Variants in ZNF678 observed in about 807,000 individuals in gnomAD.
ZNF678 encodes hypothetical protein MGC42493.
A neutral mutation model predicts 3.0 loss-of-function variants in ZNF678; 5 were observed. That is an observed-to-expected ratio of 1.69 (90% CI 0.88 to 3.56). The LOEUF (loss-of-function observed/expected upper bound fraction) is 3.56. Ranked by LOEUF, ZNF678 falls within the 30% of genes most tolerant of loss-of-function variation. The pLI, the probability that ZNF678 is intolerant of heterozygous loss-of-function variation, is 0.00. For missense variants in ZNF678, 593 were observed against 605.0 expected, an observed-to-expected ratio of 0.98 and a Z score of 0.21; for synonymous variants, 218 against 199.6, an observed-to-expected ratio of 1.09 and a Z score of -0.78.
At chr1:227,642,590 A>G (rs1426929378) in intron 1 of ZNF678, among the ~76,000 whole-genome samples, 2 of 152,084 alleles carry the variant, frequency 1.3e-5, no homozygotes, top group East Asian at 3.9e-4. Flanking sequence ...TTACAAGGGC[A>G]GTTTAATTTA....
chr1:227,655,255 C>G lies in ZNF678; in HGVS notation c.1005C>G (p.His335Gln), dbSNP rs140492602. ...ECGKTFNRCS[H>Q]LSSHKRIHTG... is the part of the protein sequence containing the mutation. ...GCAAAACTTTTAATCGGTGTTCACA[C>G]CTAAGTAGCCATAAGAGAATTCATA... The change falls in exon 4 of 4, where the codon CAC (histidine) becomes CAG (glutamine). Residue 335 changes from histidine (H) to glutamine (Q), a missense_variant. His to Gln is a conservative substitution (Grantham distance 24). Transcript: ENST00000343776. The G allele has an allele frequency of 1.9e-6, 3 of 1,605,674 alleles. No homozygotes were observed. The highest frequency in any genetic ancestry group is 1.6e-4 in the Middle Eastern group (1 of 6,068).
chr1:227,590,883 C>G (rs2101862), intron 1 of ZNF678, among the ~76,000 whole-genome samples: 2,563 of 151,784 alleles, frequency 0.017, 99 homozygotes, highest in South Asian at 0.057. Flanking sequence ...CTTCCCCACT[C>G]TTGCTATACA....
chr1:227,651,202 C>T, intron 3 of ZNF678, 126 bp downstream of exon 3: 1 of 1,045,118 alleles, frequency 9.6e-7, no homozygotes, highest in Non-Finnish European at 1.3e-6. Context: ...CTTTGGTGGG[C>T]TTATTACCAG....
chr1:227,672,499 G>A (rs536176929), intron 5 of ZNF678, among the ~76,000 whole-genome samples: 2 of 152,220 alleles, frequency 1.3e-5, no homozygotes, highest in South Asian at 2.1e-4. Flanking sequence ...GAGCTGATGC[G>A]ATCTCTGGGA....
intron 5 of ZNF678, among the ~76,000 whole-genome samples, chr1:227,671,363 A>G (rs902932938): frequency 2.0e-5 from 3 of 151,752 alleles, no homozygotes; most frequent in Non-Finnish European, 2.9e-5. Context: ...CATATTTGCA[A>G]TTCTGCCCTA....
chr1:227,563,565 G>A lies in ZNF678; in HGVS notation c.-323G>A. The stretch of plus-strand genomic sequence containing the variant: ...CGGGATCTGGCGGGGCCTTTGTCTT[G>A]TGCTCCAGCTGGAGCTTTGGTCCCG... On this transcript the variant is annotated 5_prime_UTR_variant, in exon 1 of 4. It adds an upstream start codon to the 5' untranslated region. Transcript: ENST00000343776. 1.4e-6 allele frequency: 1 copy of A among 733,506 alleles called. No individual in the cohort carries two copies. Among genetic ancestry groups the A allele is most frequent in the South Asian group, 1.4e-5 (1 of 69,718 alleles). 45.4% of individuals were successfully genotyped at this position (733,506 alleles called of 1,614,324 possible).
intron 1 of ZNF678, among the ~76,000 whole-genome samples, chr1:227,621,329 A>G (rs181560503): frequency 5.5e-4 from 84 of 152,334 alleles, no homozygotes; most frequent in Non-Finnish European, 9.6e-4. Flanking sequence ...TCCTATAACA[A>G]TGTAGGCATA....
rs1253417691 is a variant in ZNF678 at position 227,657,189 on chromosome 1, G to A, written c.*1361G>A. On this transcript the variant is annotated 3_prime_UTR_variant, in exon 4 of 4. Coordinates refer to ENST00000343776, the MANE Select transcript of ZNF678 (RefSeq NM_001367909.1). ...TCTCTGTTAGTTCATGTGAAAGCTG[G>A]TTGTTAAAAACAAAAACAAACAAAC... 1 of 151,834 alleles carries A rather than the reference G, an allele frequency of 6.6e-6. No homozygotes were observed. Among genetic ancestry groups the A allele is most frequent in the Non-Finnish European group, 1.5e-5 (1 of 67,878 alleles). 9.4% of individuals were successfully genotyped at this position (151,834 alleles called of 1,614,324 possible).
chr1:227,595,560 A>G (rs185777154), intron 1 of ZNF678, among the ~76,000 whole-genome samples: 1 of 152,180 alleles, frequency 6.6e-6, no homozygotes, highest in Admixed American at 6.5e-5. Context: ...ATTTTTTAAC[A>G]TAGTTCCTAG....
intron 1 of ZNF678, among the ~76,000 whole-genome samples, chr1:227,624,653 A>G (rs1274062376): frequency 6.6e-6 from 1 of 152,162 alleles, no homozygotes; most frequent in African/African-American, 2.4e-5. Flanking sequence ...CCATGCAGTG[A>G]GTGTTATAGC....
At chr1:227,565,920 C>G (rs892811968) in intron 1 of ZNF678, among the ~76,000 whole-genome samples, 25 of 152,284 alleles carry the variant, frequency 1.6e-4, no homozygotes, top group Admixed American at 1.4e-3. Flanking sequence ...CCATGCCCGG[C>G]TAGCTAATTT....
At chr1:227,665,518 G>A (rs148071862), downstream of ZNF678, among the ~76,000 whole-genome samples, 107 of 152,312 alleles carry the variant, frequency 7.0e-4, 1 homozygote, top group African/African-American at 2.5e-3. Context: ...AGGGCTCTCA[G>A]GTTGTAGGCC....
chr1:227,605,960 G>A (rs1397468540), intron 1 of ZNF678, among the ~76,000 whole-genome samples: 1 of 152,140 alleles, frequency 6.6e-6, no homozygotes, highest in Non-Finnish European at 1.5e-5. Flanking sequence ...AATCCCACTT[G>A]GTCAAGGTGT....
At position 227,654,571 on chromosome 1, in the gene ZNF678, C is replaced by T. The variant is rs1353067907; in HGVS notation, c.321C>T (p.Ser107=). The T allele has an allele frequency of 6.2e-7, 1 of 1,613,338 alleles. No homozygotes were observed. Among genetic ancestry groups the T allele is most frequent in the East Asian group, 2.2e-5 (1 of 44,842 alleles). The stretch of plus-strand genomic sequence containing the variant: ...GTATTGAATGTGGCAGAAATTTTAG[C>T]TGGAGGTCAATCCTTACTGAACATA... ...FQCIECGRNF[S]WRSILTEHKR... The change falls in exon 4 of 4, where the codon AGC becomes AGT. Residue 107 remains serine (S), a synonymous_variant. Transcript: ENST00000343776.
chr1:227,568,416 G>T lies in ZNF678; in HGVS notation c.-164+4692G>T, dbSNP rs888794981. ...GGCTTTGTAATAGGTTAAAAAAAAA[G>T]GGAGCATCATCTAAGTCAAAATGAG... On this transcript the variant is annotated intron_variant, in intron 1 of 3. Transcript: ENST00000343776. Among the ~76,000 whole-genome samples, 4 of 152,004 alleles carry T rather than the reference G, an allele frequency of 2.6e-5. No individual in the cohort carries two copies. The East Asian group carries it at 7.7e-4, about 29-fold the overall frequency.
At chr1:227,614,259 T>G (rs1658090379) in intron 1 of ZNF678, among the ~76,000 whole-genome samples, 1 of 152,242 alleles carries the variant, frequency 6.6e-6, no homozygotes. Context: ...ATTTTGATTT[T>G]ATCCCTTTGT....
chr1:227,572,555 G>T (rs376864068), intron 1 of ZNF678, among the ~76,000 whole-genome samples: 2 of 152,316 alleles, frequency 1.3e-5, no homozygotes, highest in East Asian at 3.9e-4. Flanking sequence ...GAAGAGCGAT[G>T]GGCACCCAAT....
intron 5 of ZNF678, among the ~76,000 whole-genome samples, chr1:227,674,147 C>A (rs1418006317): frequency 1.3e-5 from 2 of 152,156 alleles, no homozygotes; most frequent in East Asian, 3.9e-4. Flanking sequence ...GAAGAGAAGG[C>A]AATGACCTAC....
chr1:227,646,159 A>G (rs145786226), intron 1 of ZNF678, among the ~76,000 whole-genome samples: 2 of 152,370 alleles, frequency 1.3e-5, no homozygotes, highest in African/African-American at 4.8e-5. Context: ...ATCAAAATCT[A>G]CATTTTAAAC....
Sources: gnomAD v4.1 joint callset for allele counts (sites outside exome capture counted in the v4.1 genomes callset) on GRCh38, gnomAD v4.1.1 for gene constraint, MANE v1.5 for transcripts, NCBI Gene and HGNC (gene_info 2026-07-23, HGNC 2026-07-21) for gene names.